Variants in TTLL5 observed in about 807,000 individuals in gnomAD.
The protein encoded by TTLL5 is tubulin tyrosine ligase like 5.
In TTLL5, 132 loss-of-function variants were observed where a neutral mutation model predicts 168.4. The observed-to-expected ratio is 0.78, with a 90% CI of 0.68 to 0.91. The LOEUF is 0.91. TTLL5 is among the 40% of genes least tolerant of loss of function. The pLI is 0.00. For missense variants in TTLL5, 1,545 were observed against 1,581.5 expected (o/e 0.98, Z 0.39); for synonymous variants, 546 against 558.6 (o/e 0.98, Z 0.32).
intron 28 of TTLL5, among the ~76,000 whole-genome samples, chr14:75,851,797 C>T (rs914201419): frequency 2.0e-5 from 3 of 152,130 alleles, no homozygotes; most frequent in African/African-American, 7.2e-5. Context: ...CAGGTGATCT[C>T]ACATAGACAC....
chr14:75,732,431 C>T lies in TTLL5; in HGVS notation c.1124+12C>T, dbSNP rs1199316610. ...CCTTCTTTGGCCTGGTAAGTCAGTTCCATCAACTAAAAAAGGACAAATCTT... is the reference window on the plus strand; with the variant it reads ...CCTTCTTTGGCCTGGTAAGTCAGTTTCATCAACTAAAAAAGGACAAATCTT... On this transcript the variant is annotated intron_variant, in intron 13 of 31. Transcript: ENST00000298832. 1 of 1,610,894 alleles carries T rather than the reference C, an allele frequency of 6.2e-7. No homozygotes were observed. The highest frequency in any genetic ancestry group is 2.2e-5 in the East Asian group (1 of 44,792).
Position 75,886,766 on chromosome 14 carries a change from G to A in TTLL5, c.3740+3864G>A, listed in dbSNP as rs749729908. ...TCTTCCAAGCAGTCAGCTGAACTGA[G>A]GACGACAGCCTACAAACAACTACAT... On this transcript the variant is annotated intron_variant, in intron 30 of 31. Transcript: ENST00000298832. 1.1e-5 allele frequency: 18 copies of A among 1,596,736 alleles called. No individual in the cohort carries two copies. In the African/African-American group the frequency reaches 2.3e-4, roughly 20 times the overall value.
At chr14:75,870,132 T>C (rs2030903219) in intron 29 of TTLL5, among the ~76,000 whole-genome samples, 1 of 152,164 alleles carries the variant, frequency 6.6e-6, no homozygotes, top group South Asian at 2.1e-4. Context: ...AAGTACTTAC[T>C]GACTCCGATG....
At chr14:75,663,298 T>G (rs1890872155) in intron 2 of TTLL5, 75 bp downstream of exon 2, 1 of 1,344,992 alleles carries the variant, frequency 7.4e-7, no homozygotes, top group South Asian at 1.3e-5. Context: ...ACTGTTTTAC[T>G]ATATACTCTT....
At chr14:75,749,589 T>G (rs1884553832) in intron 17 of TTLL5, among the ~76,000 whole-genome samples, 2 of 152,036 alleles carry the variant, frequency 1.3e-5, no homozygotes, top group African/African-American at 4.8e-5. Context: ...ATGTATTTCC[T>G]AAGTGGGGAT....
At chr14:75,771,910 TA>T (rs376489629) in intron 21 of TTLL5, 56 bp downstream of exon 21, 78 of 1,467,248 alleles carry the variant, frequency 5.3e-5, no homozygotes, top group Admixed American at 3.1e-4. Flanking sequence ...CTTCTTTCTG[TA>T]TTTTTTTTTT....
Position 75,704,116 on chromosome 14 carries a change from A to G in TTLL5, c.586-2902A>G, listed in dbSNP as rs77926706. 4.5e-3 allele frequency among the ~76,000 whole-genome samples: 688 copies of G among 152,346 alleles called. 5 individuals are homozygous for G. The highest frequency in any genetic ancestry group is 0.015 in the African/African-American group (637 of 41,576). ...ATGAGGTAGTTATTATTTCCTTAAT[A>G]AGTGGTAGAGTCAAGGTTGTAACTC... On this transcript the variant is annotated intron_variant, in intron 7 of 31. Transcript: ENST00000298832.
chr14:75,750,975 T>C (rs907966987), intron 17 of TTLL5, among the ~76,000 whole-genome samples: 7 of 152,138 alleles, frequency 4.6e-5, no homozygotes, highest in African/African-American at 1.7e-4. Context: ...CATTGTGACG[T>C]GGTGTTAGGC....
rs533894435 is a variant in TTLL5, at chr14:75,690,218, G to T, written c.398G>T (p.Arg133Leu). The change falls in exon 6 of 32, where the codon CGA becomes CTA. Residue 133 changes from arginine to leucine, a missense_variant. Transcript: ENST00000298832. ...PRSYELTRKDRLYKNIIRMQH... is the reference protein window; with the variant it reads ...PRSYELTRKDLLYKNIIRMQH... ...TCTTATGAACTTACCCGGAAGGACC[G>T]ACTGTACAAAAACATTATTCGAATG... 3 of 1,613,254 alleles carry T rather than the reference G, an allele frequency of 1.9e-6. No individual in the cohort carries two copies. Among genetic ancestry groups the T allele is most frequent in the Non-Finnish European group, 2.5e-6 (3 of 1,179,692 alleles).
At chr14:75,854,052 A>G (rs78855228) in intron 28 of TTLL5, among the ~76,000 whole-genome samples, 5 of 151,938 alleles carry the variant, frequency 3.3e-5, no homozygotes, top group Non-Finnish European at 5.9e-5. Context: ...CAAAAAAAAA[A>G]GAGAGAGAAA....
intron 31 of TTLL5, among the ~76,000 whole-genome samples, chr14:75,905,017 A>G (rs965518113): frequency 2.0e-5 from 3 of 152,226 alleles, no homozygotes; most frequent in Admixed American, 6.5e-5. Flanking sequence ...TCTGTATTAC[A>G]AGTAGATTTA....
chr14:75,951,480 C>T (rs546448242), intron 31 of TTLL5, among the ~76,000 whole-genome samples: 1 of 152,128 alleles, frequency 6.6e-6, no homozygotes, highest in Non-Finnish European at 1.5e-5. Flanking sequence ...AAATACCAGG[C>T]AGGGCGCAGT....
chr14:75,902,521 CTA>C (rs766623969), intron 31 of TTLL5: 3 of 565,202 alleles, frequency 5.3e-6, no homozygotes, highest in Non-Finnish European at 1.0e-5. Flanking sequence ...ATTTCACTGT[CTA>C]TGTTGTATTT....
intron 21 of TTLL5, among the ~76,000 whole-genome samples, chr14:75,773,923 T>TAGAGAGAGAG (rs1250809385): frequency 2.2e-4 from 6 of 27,726 alleles, no homozygotes; most frequent in Admixed American, 1.9e-3. Context: ...TATATATATA[T>TAGAGAGAGAG]ATATAGAGAG....
intron 31 of TTLL5, among the ~76,000 whole-genome samples, chr14:75,909,242 T>C (rs969425082): frequency 6.7e-6 from 1 of 150,144 alleles, no homozygotes; most frequent in African/African-American, 2.5e-5. Flanking sequence ...CCAACCTCCT[T>C]ATCAAACTTT....
chr14:75,874,521 G>A (rs1027726161), intron 29 of TTLL5, among the ~76,000 whole-genome samples: 1 of 152,122 alleles, frequency 6.6e-6, no homozygotes, highest in Non-Finnish European at 1.5e-5. Flanking sequence ...CTTTTCATCG[G>A]GTGCAAGCTG....
chr14:75,800,066 A>G (rs541290501), intron 27 of TTLL5, among the ~76,000 whole-genome samples: 1 of 152,152 alleles, frequency 6.6e-6, no homozygotes, highest in Non-Finnish European at 1.5e-5. Flanking sequence ...AAGTTTTCCA[A>G]ACTTTTAGAT....
At chr14:75,779,835 A>C in intron 24 of TTLL5, 133 bp downstream of exon 24, 1 of 829,492 alleles carries the variant, frequency 1.2e-6, no homozygotes, top group Non-Finnish European at 1.7e-6. Flanking sequence ...CAGCTTGGGG[A>C]GGGAGTGGAG....
chr14:75,698,365 A>G (rs1437699110), intron 6 of TTLL5, among the ~76,000 whole-genome samples: 1 of 152,198 alleles, frequency 6.6e-6, no homozygotes, highest in Non-Finnish European at 1.5e-5. Context: ...TCACTTGTAA[A>G]TGATTGTCCT....
Sources: gnomAD v4.1 joint callset for allele counts (sites outside exome capture counted in the v4.1 genomes callset) on GRCh38, gnomAD v4.1.1 for gene constraint, MANE v1.5 for transcripts, NCBI Gene and HGNC (gene_info 2026-07-23, HGNC 2026-07-21) for gene names.